Variants in TMEM135 observed in about 807,000 individuals in gnomAD.
The protein encoded by TMEM135 is peroxisomal membrane protein 52.
Under a neutral mutation model 60.3 loss-of-function variants are expected in TMEM135, and 30 were observed. That is an observed-to-expected ratio of 0.50 (90% CI 0.37 to 0.68). The LOEUF (loss-of-function observed/expected upper bound fraction) is 0.68. TMEM135 is among the 30% of genes least tolerant of loss of function. The pLI is 0.00. For missense variants in TMEM135, 468 were observed against 548.8 expected, an observed-to-expected ratio of 0.85 and a Z score of 1.47; for synonymous variants, 190 against 186.7, an observed-to-expected ratio of 1.02 and a Z score of -0.14.
intron 1 of TMEM135, among the ~76,000 whole-genome samples, chr11:87,051,157 G>T (rs1394114554): frequency 1.9e-5 from 1 of 51,538 alleles, no homozygotes; most frequent in Non-Finnish European, 3.0e-5. Flanking sequence ...GTATTGATGG[G>T]ACGTATTTCA....
intron 5 of TMEM135, among the ~76,000 whole-genome samples, chr11:87,235,777 C>T (rs942657477): frequency 2.6e-5 from 4 of 151,934 alleles, no homozygotes; most frequent in East Asian, 1.9e-4. Context: ...ATAACTAAGA[C>T]GTTAGTCAGG....
chr11:87,223,741 T>G (rs1940701582), intron 5 of TMEM135, among the ~76,000 whole-genome samples: 1 of 151,020 alleles, frequency 6.6e-6, no homozygotes, highest in African/African-American at 2.4e-5. Context: ...TTCCAGCCAC[T>G]CTGGAGGCTG....
chr11:87,153,127 A>G (rs1938600700), intron 4 of TMEM135, among the ~76,000 whole-genome samples: 1 of 152,182 alleles, frequency 6.6e-6, no homozygotes, highest in Non-Finnish European at 1.5e-5. Context: ...GCATCCTTCA[A>G]ATTACATATT....
intron 2 of TMEM135, among the ~76,000 whole-genome samples, chr11:87,069,537 A>C (rs1336313929): frequency 6.6e-6 from 1 of 152,074 alleles, no homozygotes; most frequent in African/African-American, 2.4e-5. Flanking sequence ...CTGTTACTTG[A>C]GGTAGGGAAC....
At chr11:87,227,568 G>C (rs1452751868) in intron 5 of TMEM135, among the ~76,000 whole-genome samples, 1 of 151,930 alleles carries the variant, frequency 6.6e-6, no homozygotes, top group Non-Finnish European at 1.5e-5. Flanking sequence ...TTAAAAAAAT[G>C]GACTGTATAT....
At chr11:87,243,764 G>T (rs1169381980) in intron 6 of TMEM135, among the ~76,000 whole-genome samples, 1 of 90,030 alleles carries the variant, frequency 1.1e-5, no homozygotes, top group Non-Finnish European at 2.7e-5. Flanking sequence ...AGACAATGGG[G>T]TTTTCTAGAT....
intron 5 of TMEM135, among the ~76,000 whole-genome samples, chr11:87,228,601 CT>C (rs1940818305): frequency 6.6e-6 from 1 of 152,110 alleles, no homozygotes; most frequent in Non-Finnish European, 1.5e-5. Flanking sequence ...GCTAGGTTCA[CT>C]ACTCACTAAG....
intron 1 of TMEM135, among the ~76,000 whole-genome samples, chr11:87,060,491 C>G (rs1949935332): frequency 6.6e-6 from 1 of 152,152 alleles, no homozygotes; most frequent in Non-Finnish European, 1.5e-5. Flanking sequence ...TTATAACATG[C>G]AGTATGGATA....
At chr11:87,169,129 T>G (rs544487191) in intron 5 of TMEM135, among the ~76,000 whole-genome samples, 1 of 150,964 alleles carries the variant, frequency 6.6e-6, no homozygotes. Flanking sequence ...CAAACCTTGC[T>G]TTTTTTTGCT....
At chr11:87,129,314 C>T (rs1937838252) in intron 4 of TMEM135, among the ~76,000 whole-genome samples, 1 of 147,168 alleles carries the variant, frequency 6.8e-6, no homozygotes, top group South Asian at 2.2e-4. Context: ...ACGATCTCAG[C>T]TCACTGCAAC....
chr11:87,202,314 C>T (rs1330540502), intron 5 of TMEM135, among the ~76,000 whole-genome samples: 6 of 152,112 alleles, frequency 3.9e-5, no homozygotes, highest in Non-Finnish European at 7.3e-5. Context: ...GCGTAAGCCG[C>T]CATGCCCAGA....
At chr11:87,098,923 C>T (rs1020937227) in intron 4 of TMEM135, among the ~76,000 whole-genome samples, 16 of 152,122 alleles carry the variant, frequency 1.1e-4, no homozygotes, top group African/African-American at 2.6e-4. Context: ...CTCCTGACCT[C>T]GTGATCCGCC....
At chr11:87,255,477 A>G (rs2135395809) in intron 6 of TMEM135, among the ~76,000 whole-genome samples, 1 of 152,316 alleles carries the variant, frequency 6.6e-6, no homozygotes, top group Middle Eastern at 3.4e-3. Context: ...GGTGACTCTT[A>G]AAGTATCTGC....
chr11:87,138,283 G>T (rs960311652), intron 4 of TMEM135, among the ~76,000 whole-genome samples: 1 of 151,886 alleles, frequency 6.6e-6, no homozygotes, highest in African/African-American at 2.4e-5. Context: ...TAGAGATGGG[G>T]TTTCACCATG....
intron 5 of TMEM135, among the ~76,000 whole-genome samples, chr11:87,203,032 C>CAAAAAAAAAAAAAAAAAAAAAAAAA (rs534909524): frequency 3.0e-5 from 1 of 33,568 alleles, no homozygotes; most frequent in African/African-American, 8.8e-5. Context: ...GACTCCGTCT[C>CAAAAAAAAAAAAAAAAAAAAAAAAA]AAAAAAAAAA....
At chr11:87,128,940 C>A (rs868866023) in intron 4 of TMEM135, among the ~76,000 whole-genome samples, 1 of 151,340 alleles carries the variant, frequency 6.6e-6, no homozygotes, top group Non-Finnish European at 1.5e-5. Flanking sequence ...CTAAGAAACT[C>A]CAATGAATTA....
chr11:87,262,911 G>A (rs1189067077), intron 6 of TMEM135, among the ~76,000 whole-genome samples: 1 of 151,868 alleles, frequency 6.6e-6, no homozygotes, highest in South Asian at 2.1e-4. Context: ...TTACCAAGGC[G>A]TTTTTTGTGA....
intron 4 of TMEM135, among the ~76,000 whole-genome samples, chr11:87,152,357 G>A (rs539674050): frequency 2.8e-4 from 42 of 152,260 alleles, no homozygotes; most frequent in African/African-American, 8.2e-4. Context: ...TATATTTAAT[G>A]TAATGGCTTT....
intron 3 of TMEM135, among the ~76,000 whole-genome samples, chr11:87,079,767 G>A (rs893289547): frequency 6.6e-6 from 1 of 150,844 alleles, no homozygotes; most frequent in Non-Finnish European, 1.5e-5. Context: ...ATGAATGGAT[G>A]TAATATTTTG....
Sources: gnomAD v4.1 joint callset for allele counts (sites outside exome capture counted in the v4.1 genomes callset) on GRCh38, gnomAD v4.1.1 for gene constraint, MANE v1.5 for transcripts, NCBI Gene and HGNC (gene_info 2026-07-23, HGNC 2026-07-21) for gene names.